The following ABCB11 variants were observed in gnomAD, a reference collection of about 807,000 sequenced individuals.
ABCB11 encodes bile salt export pump.
In ABCB11, 95 loss-of-function variants were observed where a neutral mutation model predicts 148.0. The ratio of observed to expected loss-of-function variants is 0.64; its 90% confidence interval spans 0.54 to 0.76. The LOEUF (loss-of-function observed/expected upper bound fraction) is 0.76, where lower values mean the gene tolerates loss of function less well. ABCB11 is among the 30% of genes least tolerant of loss of function. ABCB11 has a pLI of 0.00. For synonymous variants in ABCB11, 591 were observed against 555.4 expected (o/e 1.06, Z -0.90); for missense variants, 1,523 against 1,617.8 (o/e 0.94, Z 1.01).
At chr2:169,030,234 A>G (rs1695826236) in intron 1 of ABCB11, among the ~76,000 whole-genome samples, 1 of 152,102 alleles carries the variant, frequency 6.6e-6, no homozygotes, top group Non-Finnish European at 1.5e-5. Flanking sequence ...AGGAAACAAA[A>G]ATTATTCAAG....
chr2:168,972,840 G>A (rs1244307529), intron 13 of ABCB11, among the ~76,000 whole-genome samples: 1 of 151,962 alleles, frequency 6.6e-6, no homozygotes, highest in Non-Finnish European at 1.5e-5. Flanking sequence ...CAACACACCT[G>A]GATTCAATCC....
intron 21 of ABCB11, among the ~76,000 whole-genome samples, chr2:168,941,141 A>G (rs1265091029): frequency 6.6e-6 from 1 of 151,906 alleles, no homozygotes; most frequent in Non-Finnish European, 1.5e-5. Flanking sequence ...AAGTCTTTTT[A>G]TTTAAGAAGT....
At position 168,977,966 on chromosome 2, in the gene ABCB11, C is replaced by CA. The variant is rs1293918978; in HGVS notation, c.1198-1280_1198-1279insT. On this transcript the variant is annotated intron_variant, in intron 11 of 27. Transcript: ENST00000650372. ...AGCCAAACCATATCAATCACTTTAG[C>CA]TCTATTGAGGAGTATAATGTAATCT... Among the ~76,000 whole-genome samples the CA allele has an allele frequency of 2.0e-5, 3 of 152,122 alleles. No individual in the cohort carries two copies. The East Asian group carries it at 5.8e-4, about 29-fold the overall frequency.
chr2:168,981,225 C>T (rs1694125889), intron 10 of ABCB11, among the ~76,000 whole-genome samples: 1 of 152,160 alleles, frequency 6.6e-6, no homozygotes, highest in African/African-American at 2.4e-5. Flanking sequence ...TCTCCCTCTT[C>T]AGTAACCTCT....
intron 18 of ABCB11, among the ~76,000 whole-genome samples, chr2:168,959,243 T>A (rs1368109946): frequency 6.6e-6 from 1 of 151,730 alleles, no homozygotes; most frequent in African/African-American, 2.4e-5. Context: ...CTACCTCCAC[T>A]TCAAGTTCTC....
chr2:169,016,941 T>G lies in ABCB11; in HGVS notation c.77-142A>C. ...ATATTAGCAAATGACTATTTGCCTT[T>G]TCTTTCTTCCTGCTCATATTGTCTC... On this transcript the variant is annotated intron_variant, in intron 2 of 27. Coordinates refer to ENST00000650372, the MANE Select transcript of ABCB11 (RefSeq NM_003742.4). 2 of 650,500 alleles carry G rather than the reference T, an allele frequency of 3.1e-6. 1 individual carries two copies. Among genetic ancestry groups the G allele is most frequent in the South Asian group, 3.6e-5 (2 of 55,960 alleles). The allele number at this position is 650,500 out of a possible 1,614,324, so 40.3% of individuals were successfully genotyped here.
chr2:168,970,385 ATATT>A (rs1195720786), intron 14 of ABCB11, 170 bp from the exon 15 acceptor site: 3 of 1,495,954 alleles, frequency 2.0e-6, no homozygotes, highest in Non-Finnish European at 1.8e-6. Context: ...TGTCTAATCA[ATATT>A]TATGTGTGAA....
chr2:168,931,483 C>T (rs1352549473), intron 24 of ABCB11, among the ~76,000 whole-genome samples: 2 of 152,114 alleles, frequency 1.3e-5, no homozygotes, highest in South Asian at 2.1e-4. Flanking sequence ...CTGGAACATA[C>T]TAAAATTTTC....
intron 19 of ABCB11, among the ~76,000 whole-genome samples, chr2:168,954,512 A>C (rs754329453): frequency 6.7e-6 from 1 of 150,352 alleles, no homozygotes; most frequent in Non-Finnish European, 1.5e-5. Flanking sequence ...CTTGGCTGAC[A>C]GTTTTTTTTT....
intron 19 of ABCB11, among the ~76,000 whole-genome samples, chr2:168,953,001 T>C (rs950091668): frequency 6.6e-6 from 1 of 151,760 alleles, no homozygotes; most frequent in Non-Finnish European, 1.5e-5. Flanking sequence ...AATTTCCATG[T>C]ATTTGTATAG....
chr2:169,016,135 G>A (rs1695349101), intron 3 of ABCB11, among the ~76,000 whole-genome samples: 1 of 152,072 alleles, frequency 6.6e-6, no homozygotes, highest in South Asian at 2.1e-4. Context: ...AACTTCCCAC[G>A]CAATAAGAAA....
intron 21 of ABCB11, among the ~76,000 whole-genome samples, chr2:168,940,391 G>C (rs529955146): frequency 6.6e-6 from 1 of 152,220 alleles, no homozygotes; most frequent in East Asian, 1.9e-4. Flanking sequence ...TATGAAGAAA[G>C]TTTGAATGGT....
At chr2:169,021,783 G>C (rs1031829135) in intron 1 of ABCB11, among the ~76,000 whole-genome samples, 1 of 151,838 alleles carries the variant, frequency 6.6e-6, no homozygotes, top group Non-Finnish European at 1.5e-5. Context: ...AGATTTTCAT[G>C]ACAAATTTCA....
rs917851271 is a variant in ABCB11, at chr2:168,932,359, T to C, written c.3213+18A>G. On this transcript the variant is annotated intron_variant, in intron 24 of 27. Transcript: ENST00000650372. The stretch of plus-strand genomic sequence containing the variant: ...GAACTCATCCTTTTTTATGGCTGCA[T>C]AGTATTCCAACACTTACCCATTTTT... 4.5e-6 allele frequency: 7 copies of C among 1,547,400 alleles called. No individual in the cohort carries two copies. The highest frequency in any genetic ancestry group is 2.4e-5 in the South Asian group (2 of 83,890).
chr2:168,940,492 G>GA (rs1377010883), intron 21 of ABCB11, among the ~76,000 whole-genome samples: 1 of 152,086 alleles, frequency 6.6e-6, no homozygotes, highest in Non-Finnish European at 1.5e-5. Flanking sequence ...TAGTAAGGCT[G>GA]AGAGAAGTGA....
In ABCB11 at chr2:168,928,627, T is replaced by C. The variant is rs533859835; in HGVS notation, c.3412-1265A>G. 1.4e-3 allele frequency among the ~76,000 whole-genome samples: 219 copies of C among 152,310 alleles called. 4 individuals are homozygous for C. In the South Asian group the frequency reaches 0.044, roughly 31 times the overall value. ...CTGTGACCAGAACATTCACTGGGCA[T>C]ATTCAGAGAAATATACTTAATGTAC... On this transcript the variant is annotated intron_variant, in intron 25 of 27. Transcript: ENST00000650372.
intron 18 of ABCB11, among the ~76,000 whole-genome samples, chr2:168,962,730 T>G (rs1693130836): frequency 6.6e-6 from 1 of 151,756 alleles, no homozygotes; most frequent in South Asian, 2.1e-4. Context: ...ACTCCTGCTC[T>G]TATATAATAC....
At chr2:169,008,246 A>G (rs1695080463) in intron 5 of ABCB11, among the ~76,000 whole-genome samples, 1 of 152,184 alleles carries the variant, frequency 6.6e-6, no homozygotes, top group African/African-American at 2.4e-5. Context: ...GGTGGAAATC[A>G]AGGTGCTGAC....
intron 11 of ABCB11, among the ~76,000 whole-genome samples, chr2:168,977,239 G>A (rs1262606389): frequency 1.3e-5 from 2 of 151,656 alleles, no homozygotes; most frequent in African/African-American, 4.8e-5. Flanking sequence ...TTACATAATT[G>A]TCACCGTCAC....
Sources: gnomAD v4.1 joint callset for allele counts (sites outside exome capture counted in the v4.1 genomes callset) on GRCh38, gnomAD v4.1.1 for gene constraint, MANE v1.5 for transcripts, NCBI Gene and HGNC (gene_info 2026-07-23, HGNC 2026-07-21) for gene names.